The following SLIT2 variants were observed in gnomAD, a reference collection of about 807,000 sequenced individuals.
SLIT2 encodes slit guidance ligand 2.
A neutral mutation model predicts 185.7 loss-of-function variants in SLIT2; 41 were observed. The observed-to-expected ratio is 0.22, with a 90% CI of 0.17 to 0.29. The LOEUF (loss-of-function observed/expected upper bound fraction) is 0.29, where lower values mean the gene tolerates loss of function less well. Ranked by LOEUF, SLIT2 falls within the 10% of genes least tolerant of loss-of-function variation. The pLI, the probability that SLIT2 is intolerant of heterozygous loss-of-function variation, is 1.00. For missense variants in SLIT2, 1,571 were observed against 1,909.0 expected (o/e 0.82, Z 3.30); for synonymous variants, 693 against 680.2 (o/e 1.02, Z -0.29).
chr4:20,264,806 C>T (rs1006121904), intron 3 of SLIT2, among the ~76,000 whole-genome samples: 2 of 151,950 alleles, frequency 1.3e-5, no homozygotes, highest in Non-Finnish European at 2.9e-5. Context: ...GAAAGTATCT[C>T]AGAGACATAC....
At chr4:20,500,990 A>AAT (rs1269850285) in intron 9 of SLIT2, among the ~76,000 whole-genome samples, 1 of 152,120 alleles carries the variant, frequency 6.6e-6, no homozygotes, top group East Asian at 1.9e-4. Context: ...ATTCTGTGCT[A>AAT]ATATATATAT....
chr4:20,561,579 T>C (rs1009269582), intron 26 of SLIT2, among the ~76,000 whole-genome samples: 4 of 151,746 alleles, frequency 2.6e-5, no homozygotes, highest in Non-Finnish European at 5.9e-5. Context: ...TAGATCAGTT[T>C]TGAAGCATTA....
At chr4:20,515,413 A>C (rs1445987811) in intron 11 of SLIT2, among the ~76,000 whole-genome samples, 1 of 152,146 alleles carries the variant, frequency 6.6e-6, no homozygotes, top group African/African-American at 2.4e-5. Context: ...TTTGTAAACT[A>C]TTTTAATTCA....
Position 20,528,425 on chromosome 4 carries a change from CTCTT to C in SLIT2, c.1463-520_1463-517del. 2 of 500,384 alleles carry C rather than the reference CTCTT, an allele frequency of 4.0e-6. No individual in the cohort carries two copies. Among genetic ancestry groups the C allele is most frequent in the Non-Finnish European group, 8.3e-6 (2 of 240,844 alleles). The allele number at this position is 500,384 out of a possible 1,614,324, so 31.0% of individuals were successfully genotyped here. On this transcript the variant is annotated intron_variant, in intron 15 of 36. Coordinates refer to ENST00000504154, the MANE Select transcript of SLIT2 (RefSeq NM_004787.4). This position sits in a 1 kb window ranked among gnomAD's most constrained non-coding sequence, Gnocchi z 4.2. ...GAGGCTTAAATCAGGATTTTCCTGT[CTCTT>C]TCTACAAAATCAAAATGAAAAAAGA...
At chr4:20,322,726 G>A (rs1467232847) in intron 4 of SLIT2, among the ~76,000 whole-genome samples, 1 of 152,028 alleles carries the variant, frequency 6.6e-6, no homozygotes, top group African/African-American at 2.4e-5. Flanking sequence ...ATAAGCTCTA[G>A]GGAAAGAAAG....
At chr4:20,508,621 AT>A (rs1442411244) in intron 9 of SLIT2, among the ~76,000 whole-genome samples, 2 of 152,132 alleles carry the variant, frequency 1.3e-5, no homozygotes, top group Non-Finnish European at 2.9e-5. Flanking sequence ...TAATACCTCA[AT>A]TATATAAAAT....
In SLIT2 at chr4:20,469,371, TAA is replaced by T. The variant is rs376190434; in HGVS notation, c.467+1553_467+1554del. 3.2e-4 allele frequency among the ~76,000 whole-genome samples: 48 copies of T among 152,190 alleles called. No individual in the cohort carries two copies. In the East Asian group the frequency reaches 7.2e-3, roughly 23 times the overall value. On this transcript the variant is annotated intron_variant, in intron 5 of 36. Transcript: ENST00000504154. ...AGTTAAGATATTCAGGGAATCCAAG[TAA>T]AAAAGTGGCCCTCCTCCCACATTTA...
intron 16 of SLIT2, among the ~76,000 whole-genome samples, chr4:20,529,592 T>A (rs1721602138): frequency 6.6e-6 from 1 of 152,236 alleles, no homozygotes; most frequent in Admixed American, 6.5e-5. Context: ...GTAGAAAGGA[T>A]AGCTTTTTCT....
intron 5 of SLIT2, among the ~76,000 whole-genome samples, chr4:20,476,806 A>C (rs1005389393): frequency 3.9e-5 from 6 of 152,194 alleles, no homozygotes; most frequent in African/African-American, 1.4e-4. Context: ...CTTTAAGAAA[A>C]CCTAAATGAT....
chr4:20,273,384 GT>G (rs1382123589), intron 4 of SLIT2, among the ~76,000 whole-genome samples: 2 of 151,852 alleles, frequency 1.3e-5, no homozygotes, highest in African/African-American at 4.8e-5. Context: ...CTACTTAGAC[GT>G]GTATTATGAA....
At chr4:20,347,013 A>C (rs1473068338) in intron 4 of SLIT2, among the ~76,000 whole-genome samples, 1 of 152,156 alleles carries the variant, frequency 6.6e-6, no homozygotes, top group Non-Finnish European at 1.5e-5. Flanking sequence ...TCACAGACAC[A>C]CCCAGTAACA....
At chr4:20,315,814 T>A (rs1251993912) in intron 4 of SLIT2, among the ~76,000 whole-genome samples, 1 of 152,038 alleles carries the variant, frequency 6.6e-6, no homozygotes, top group African/African-American at 2.4e-5. Flanking sequence ...ATATTGAGAA[T>A]TCTATAGCCA....
intron 1 of SLIT2, among the ~76,000 whole-genome samples, chr4:20,255,953 C>T (rs1387827928): frequency 6.6e-6 from 1 of 152,092 alleles, no homozygotes; most frequent in Non-Finnish European, 1.5e-5. Context: ...ACCTGAAATG[C>T]CAGAAAAGGA....
chr4:20,277,261 G>A (rs1318331418), intron 4 of SLIT2, among the ~76,000 whole-genome samples: 1 of 152,066 alleles, frequency 6.6e-6, no homozygotes, highest in Non-Finnish European at 1.5e-5. Flanking sequence ...TTCCTGGGAG[G>A]TTTTAATATC....
At chr4:20,264,882 T>C (rs971138346) in intron 3 of SLIT2, among the ~76,000 whole-genome samples, 2 of 151,944 alleles carry the variant, frequency 1.3e-5, no homozygotes, top group South Asian at 4.1e-4. Context: ...TGGGATGTTG[T>C]GGGCAGATTC....
At chr4:20,580,092 C>T (rs561466734) in intron 29 of SLIT2, among the ~76,000 whole-genome samples, 28 of 137,962 alleles carry the variant, frequency 2.0e-4, no homozygotes, top group Admixed American at 3.1e-4. Context: ...TATTTGAGAC[C>T]GTGTCTGGCC....
intron 4 of SLIT2, among the ~76,000 whole-genome samples, chr4:20,352,742 A>G (rs1489779504): frequency 1.3e-5 from 2 of 152,066 alleles, no homozygotes. Flanking sequence ...GTGAAATCCC[A>G]TCTCTACTGA....
At chr4:20,335,867 T>C (rs1007101398) in intron 4 of SLIT2, among the ~76,000 whole-genome samples, 2 of 151,860 alleles carry the variant, frequency 1.3e-5, no homozygotes, top group Non-Finnish European at 2.9e-5. Flanking sequence ...ATAACTACCA[T>C]TTATGGGGGA....
rs181831883 is a variant in SLIT2, at chr4:20,554,390, G to T, written c.2725+422G>T. 1.8e-5 allele frequency: 8 copies of T among 456,282 alleles called. No individual in the cohort carries two copies. The East Asian group carries it at 5.6e-4, about 32-fold the overall frequency. The allele number at this position is 456,282 out of a possible 1,614,324, so 28.3% of individuals were successfully genotyped here. The stretch of plus-strand genomic sequence containing the variant: ...GTGTTCAGCCCAAACCTTCTGACTC[G>T]CCTTATGTGCTGCAGCCTTCCTGTG... On this transcript the variant is annotated intron_variant, in intron 26 of 36. Coordinates refer to ENST00000504154, the MANE Select transcript of SLIT2 (RefSeq NM_004787.4).
Sources: gnomAD v4.1 joint callset for allele counts (sites outside exome capture counted in the v4.1 genomes callset) on GRCh38, gnomAD v4.1.1 for gene constraint, Gnocchi (gnomAD v3.1) non-coding constraint, MANE v1.5 for transcripts, NCBI Gene and HGNC (gene_info 2026-07-23, HGNC 2026-07-21) for gene names.